Variants in SLC6A7 observed in about 807,000 individuals in gnomAD.
The protein encoded by SLC6A7 is sodium-dependent proline transporter.
Under a neutral mutation model 73.1 loss-of-function variants are expected in SLC6A7, and 58 were observed. That is an observed-to-expected ratio of 0.79 (90% CI 0.64 to 0.99). The LOEUF (loss-of-function observed/expected upper bound fraction) is 0.99, where lower values mean the gene tolerates loss of function less well. Ranked by LOEUF, SLC6A7 falls within the 50% of genes least tolerant of loss-of-function variation. The pLI, the probability that SLC6A7 is intolerant of heterozygous loss-of-function variation, is 0.00. For missense variants in SLC6A7, 783 were observed against 831.4 expected, an observed-to-expected ratio of 0.94 and a Z score of 0.72; for synonymous variants, 338 against 338.7, an observed-to-expected ratio of 1.00 and a Z score of 0.02.
chr5:150,203,862 T>G, intron 9 of SLC6A7, 45 bp from the exon 10 acceptor site: 2 of 1,571,416 alleles, frequency 1.3e-6, no homozygotes, highest in Non-Finnish European at 1.7e-6. Context: ...TGTGTGTGTG[T>G]GTTGGGGATA....
chr5:150,205,777 G>A (rs746499975), intron 13 of SLC6A7, among the ~76,000 whole-genome samples, 154 bp downstream of exon 13: 2 of 152,354 alleles, frequency 1.3e-5, no homozygotes, highest in Middle Eastern at 3.4e-3. Flanking sequence ...TCAGGGGCTG[G>A]AGTCCTGCCC....
chr5:150,199,396 G>A, intron 5 of SLC6A7, 30 bp downstream of exon 5: 1 of 1,536,374 alleles, frequency 6.5e-7, no homozygotes, highest in African/African-American at 1.4e-5. Context: ...GGAGGCCTGA[G>A]GGGCTGGATG....
chr5:150,194,948 T>G, intron 2 of SLC6A7, 37 bp downstream of exon 2: 1 of 1,586,180 alleles, frequency 6.3e-7, no homozygotes, highest in Non-Finnish European at 8.6e-7. Flanking sequence ...GTGTCTGGGG[T>G]GATGGGCCAA....
rs4705114 is a variant in SLC6A7 at position 150,209,750 on chromosome 5, G to A, written c.*135G>A. On this transcript the variant is annotated 3_prime_UTR_variant, in exon 14 of 14. Coordinates refer to ENST00000230671, the MANE Select transcript of SLC6A7 (RefSeq NM_014228.5). ...CTGCCATAGGGATGCCAGTCCCCCAGTGGGGGTCCCTTCTGCAGCCTCTGC... is the reference window on the plus strand; with the variant it reads ...CTGCCATAGGGATGCCAGTCCCCCAATGGGGGTCCCTTCTGCAGCCTCTGC... 0.47 allele frequency: 333,407 copies of A among 716,534 alleles called. 79,642 individuals carry two copies. Among genetic ancestry groups the A allele is most frequent in the African/African-American group, 0.64 (36,147 of 56,856 alleles). 44.4% of individuals were successfully genotyped at this position (716,534 alleles called of 1,614,324 possible). A position where few individuals can be genotyped will look rare whatever the true frequency, so the allele number is the denominator to read the frequency against.
At chr5:150,191,389 G>T (rs1580848922) in intron 1 of SLC6A7, among the ~76,000 whole-genome samples, 1 of 151,836 alleles carries the variant, frequency 6.6e-6, no homozygotes, top group Non-Finnish European at 1.5e-5. Flanking sequence ...TCTGCTCTGG[G>T]GCAGCTGGGC....
chr5:150,207,480 G>C (rs1429932706), intron 13 of SLC6A7, among the ~76,000 whole-genome samples: 1 of 152,190 alleles, frequency 6.6e-6, no homozygotes, highest in Non-Finnish European at 1.5e-5. Flanking sequence ...GGCCTCAAGT[G>C]ATCCGCGCAC....
In SLC6A7 at chr5:150,205,511, G is replaced by A. The variant is rs73279867; in HGVS notation, c.1589G>A (p.Arg530His). 1,376 of 1,613,302 alleles carry A rather than the reference G, an allele frequency of 8.5e-4. 11 individuals carry two copies. In the African/African-American group the frequency reaches 0.016, roughly 19 times the overall value. Residue 530 changes from arginine (R) to histidine (H), a missense_variant, in exon 13 of 14, where the codon CGC (arginine) becomes CAC (histidine). Arg to His is a conservative substitution (Grantham distance 29, BLOSUM62 0). Coordinates refer to ENST00000230671, the MANE Select transcript of SLC6A7 (RefSeq NM_014228.5). ...KYQPSEYGSY[R>H]FPPWAELLGI... ...CAGCCCTCGGAGTATGGCAGTTACC[G>A]CTTCCCGCCCTGGGCTGAGCTGCTG... is the stretch of plus-strand genomic sequence containing the variant.
Position 150,203,998 on chromosome 5 carries a change from G to T in SLC6A7, c.1292G>T (p.Cys431Phe). 6.2e-7 allele frequency: 1 copy of T among 1,613,782 alleles called. No homozygotes were observed. The highest frequency in any genetic ancestry group is 8.5e-7 in the Non-Finnish European group (1 of 1,179,882). ...PKKAVFSGLI[C>F]VAMYLMGLIL... is the part of the protein sequence containing the mutation. ...AAGGCGGTGTTCTCAGGGCTCATCT[G>T]CGTGGCCATGTACCTGATGGGGCTG... The change falls in exon 10 of 14, where the codon TGC (cysteine) becomes TTC (phenylalanine). Residue 431 changes from cysteine to phenylalanine, a missense_variant. By Grantham distance (205) the Cys-to-Phe change is radical (BLOSUM62 -2). Transcript: ENST00000230671.
intron 4 of SLC6A7, 34 bp from the exon 5 acceptor site, chr5:150,199,194 G>C: frequency 6.4e-7 from 1 of 1,553,750 alleles, no homozygotes; most frequent in Non-Finnish European, 8.7e-7. Flanking sequence ...CTGGTGGGGT[G>C]ACCAGGGGAC....
chr5:150,190,704 C>CTGATTGCCGGGTGTGGGGGG, intron 1 of SLC6A7, among the ~76,000 whole-genome samples: 1 of 152,298 alleles, frequency 6.6e-6, no homozygotes, highest in Non-Finnish European at 1.5e-5. Context: ...CCGCCAGGAG[C>CTGATTGCCGGGTGTGGGGGG]TGATTGCCGG....
intron 13 of SLC6A7, among the ~76,000 whole-genome samples, chr5:150,206,257 G>A (rs538805612): frequency 2.7e-4 from 41 of 152,210 alleles, no homozygotes; most frequent in African/African-American, 9.9e-4. Context: ...GGTGGCAAGA[G>A]ACCATCATCA....
chr5:150,198,105 AAGAAAGAAAGAGAAAG>A (rs761849148), intron 4 of SLC6A7, among the ~76,000 whole-genome samples: 1,049 of 103,336 alleles, frequency 0.01, 15 homozygotes, highest in Middle Eastern at 0.025. Flanking sequence ...GAAAGAAAGA[AAGAAAGAAAGAGAAAG>A]AAAGAAAGAA....
intron 4 of SLC6A7, 82 bp downstream of exon 4, chr5:150,197,358 G>T (rs1437023346): frequency 7.9e-6 from 7 of 885,370 alleles, no homozygotes; most frequent in African/African-American, 1.7e-5. Flanking sequence ...CACAGTCTCA[G>T]CATGTACCGC....
At chr5:150,199,872 G>A (rs1353073898) in intron 5 of SLC6A7, among the ~76,000 whole-genome samples, 5 of 152,128 alleles carry the variant, frequency 3.3e-5, no homozygotes, top group Non-Finnish European at 7.4e-5. Flanking sequence ...CATTCTTCGT[G>A]AGGTCACCCT....
At chr5:150,209,197 A>G (rs1580876763) in intron 13 of SLC6A7, among the ~76,000 whole-genome samples, 1 of 152,254 alleles carries the variant, frequency 6.6e-6, no homozygotes, top group Non-Finnish European at 1.5e-5. Context: ...AGAGCCATCC[A>G]GCTTGCAAGT....
chr5:150,209,404 A>G lies in SLC6A7; in HGVS notation c.1702-2A>G. The G allele has an allele frequency of 6.2e-7, 1 of 1,612,844 alleles. No individual in the cohort carries two copies. Among genetic ancestry groups the G allele is most frequent in the Non-Finnish European group, 8.5e-7 (1 of 1,179,670 alleles). On this transcript the variant is annotated splice_acceptor_variant, in intron 13 of 13. Transcript: ENST00000230671. LOFTEE classifies it high-confidence loss of function. ...TTCACTGCTCTCGTTGCTTTGCTGCAGCGGCTCCAACAGGCCAGCCGGCCG... is the reference window on the plus strand; with the variant it reads ...TTCACTGCTCTCGTTGCTTTGCTGCGGCGGCTCCAACAGGCCAGCCGGCCG...
chr5:150,209,279 G>T, intron 13 of SLC6A7, 127 bp from the exon 14 acceptor site: 1 of 773,758 alleles, frequency 1.3e-6, no homozygotes. Context: ...CCACTTCCCC[G>T]CCAGGGGGCT....
intron 4 of SLC6A7, among the ~76,000 whole-genome samples, chr5:150,197,982 C>A (rs1216774692): frequency 6.6e-6 from 1 of 151,184 alleles, no homozygotes; most frequent in Admixed American, 6.6e-5. Flanking sequence ...TCAGCCTATC[C>A]CAATGCCCCA....
At position 150,201,205 on chromosome 5, in the gene SLC6A7, C is replaced by G. The variant is rs143233713; in HGVS notation, c.840C>G (p.His280Gln). The change falls in exon 6 of 14, where the codon CAC (histidine) becomes CAG (glutamine). Residue 280 changes from histidine to glutamine, a missense_variant. His to Gln is a conservative substitution (Grantham distance 24). Transcript: ENST00000230671. ...AGTTCTATCTCACCCCCCAGTTCCA[C>G]CACTTGTTGTCTTCCAAGGTGAGCC... ...GIQFYLTPQF[H>Q]HLLSSKVWIE... 1.9e-6 allele frequency: 3 copies of G among 1,611,944 alleles called. No individual in the cohort carries two copies. Among genetic ancestry groups the G allele is most frequent in the African/African-American group, 2.7e-5 (2 of 74,890 alleles).
Sources: allele counts gnomAD v4.1 joint callset (sites outside exome capture counted in the v4.1 genomes callset), GRCh38; gene constraint gnomAD v4.1.1; transcripts MANE v1.5; gene names NCBI Gene and HGNC (gene_info 2026-07-23, HGNC 2026-07-21).